SKI: variants seen among roughly 807,000 people sequenced by gnomAD.
SKI encodes the protein SKI proto-oncogene, also known as ski oncogene.
Under a neutral mutation model 59.3 loss-of-function variants are expected in SKI, and 23 were observed. That is an observed-to-expected ratio of 0.39 (90% CI 0.28 to 0.55). The LOEUF (loss-of-function observed/expected upper bound fraction) is 0.55, where lower values mean the gene tolerates loss of function less well. Ranked by LOEUF, SKI falls within the 20% of genes least tolerant of loss-of-function variation. The pLI is 0.67. For missense variants in SKI, 1,017 were observed against 1,038.9 expected (o/e 0.98, Z 0.29); for synonymous variants, 673 against 488.6 (o/e 1.38, Z -4.98).
chr1:2,238,804 G>T (rs1412212522), intron 1 of SKI, among the ~76,000 whole-genome samples: 2 of 152,244 alleles, frequency 1.3e-5, no homozygotes, highest in Non-Finnish European at 2.9e-5. Flanking sequence ...CTGTCAGCGG[G>T]CCAGGCCACA....
chr1:2,261,412 C>T (rs1187009542), intron 1 of SKI, among the ~76,000 whole-genome samples: 1 of 152,176 alleles, frequency 6.6e-6, no homozygotes, highest in African/African-American at 2.4e-5. Context: ...GGAAAGCTCT[C>T]TGTTTATGGG....
At chr1:2,296,800 G>C (rs1354128918) in intron 1 of SKI, among the ~76,000 whole-genome samples, 2 of 152,118 alleles carry the variant, frequency 1.3e-5, no homozygotes, top group Non-Finnish European at 2.9e-5. Context: ...GCACTTCTGC[G>C]GGGGCGGGAG....
intron 1 of SKI, among the ~76,000 whole-genome samples, chr1:2,299,328 C>T (rs953790005): frequency 8.5e-5 from 13 of 152,062 alleles, no homozygotes; most frequent in Non-Finnish European, 1.3e-4. Context: ...AAGTGAGAGG[C>T]GCTGAGGCCA....
chr1:2,290,664 C>CAGGAGG (rs370758300), intron 1 of SKI, among the ~76,000 whole-genome samples: 3 of 151,916 alleles, frequency 2.0e-5, no homozygotes, highest in Admixed American at 1.3e-4. Context: ...GTCTTGTAGG[C>CAGGAGG]AGGAGGAGGA....
chr1:2,300,242 G>T (rs927226694), intron 1 of SKI, among the ~76,000 whole-genome samples: 2 of 152,252 alleles, frequency 1.3e-5, no homozygotes, highest in Non-Finnish European at 2.9e-5. Flanking sequence ...TCTGGCCTCC[G>T]CTGTGTAAGC....
chr1:2,234,219 C>A (rs567436351), intron 1 of SKI, among the ~76,000 whole-genome samples: 1 of 152,178 alleles, frequency 6.6e-6, no homozygotes, highest in South Asian at 2.1e-4. Context: ...CTGCCCACCC[C>A]AGCTGGCTGT....
intron 1 of SKI, among the ~76,000 whole-genome samples, chr1:2,279,654 C>T (rs574613465): frequency 6.6e-6 from 1 of 152,032 alleles, no homozygotes; most frequent in Non-Finnish European, 1.5e-5. Flanking sequence ...GGAGAGTGTT[C>T]TCCTGCCCAC....
At chr1:2,246,157 C>G (rs1334151691) in intron 1 of SKI, among the ~76,000 whole-genome samples, 1 of 152,222 alleles carries the variant, frequency 6.6e-6, no homozygotes, top group East Asian at 1.9e-4. Flanking sequence ...CCACTCCCAG[C>G]AACAGCGTTC....
At chr1:2,232,427 A>C (rs1436540488) in intron 1 of SKI, 4 of 152,198 alleles carry the variant, frequency 2.6e-5, no homozygotes, top group Non-Finnish European at 5.9e-5. Context: ...CCCGGGTCCC[A>C]AACCAAGTGG....
chr1:2,275,479 G>A (rs1386278677), intron 1 of SKI, among the ~76,000 whole-genome samples: 3 of 152,184 alleles, frequency 2.0e-5, no homozygotes, highest in Non-Finnish European at 4.4e-5. Context: ...GGGGCAGGAT[G>A]AGGGGTGTGG....
At chr1:2,279,684 C>T (rs1639829880) in intron 1 of SKI, among the ~76,000 whole-genome samples, 1 of 152,188 alleles carries the variant, frequency 6.6e-6, no homozygotes, top group African/African-American at 2.4e-5. Flanking sequence ...GGGCGTGGCC[C>T]AGCCCCACAG....
At chr1:2,292,417 A>C (rs959271831) in intron 1 of SKI, among the ~76,000 whole-genome samples, 3 of 152,190 alleles carry the variant, frequency 2.0e-5, no homozygotes, top group African/African-American at 7.2e-5. Flanking sequence ...GTGACCCTTC[A>C]TCTAGCAGAC....
At chr1:2,253,456 AC>A (rs1318456195) in intron 1 of SKI, among the ~76,000 whole-genome samples, 1 of 152,196 alleles carries the variant, frequency 6.6e-6, no homozygotes, top group African/African-American at 2.4e-5. Flanking sequence ...AAGCCTGGCC[AC>A]TTGTGAGTGC....
intron 1 of SKI, among the ~76,000 whole-genome samples, chr1:2,241,220 C>A (rs985072351): frequency 1.6e-4 from 24 of 152,302 alleles, no homozygotes; most frequent in African/African-American, 5.5e-4. Flanking sequence ...TATGAACTTG[C>A]GGCTTAAATA....
At chr1:2,287,327 G>A (rs1569821434) in intron 1 of SKI, among the ~76,000 whole-genome samples, 1 of 142,540 alleles carries the variant, frequency 7.0e-6, no homozygotes, top group South Asian at 2.3e-4. Context: ...GGTGAGAAAT[G>A]GAAATATCCA....
intron 1 of SKI, among the ~76,000 whole-genome samples, chr1:2,235,301 C>T (rs1557811185): frequency 1.3e-5 from 2 of 152,212 alleles, no homozygotes; most frequent in Admixed American, 6.5e-5. Flanking sequence ...ACCTTGGCCT[C>T]CCAGAGTGCT....
chr1:2,279,729 A>G (rs1182160458), intron 1 of SKI, among the ~76,000 whole-genome samples: 1 of 152,022 alleles, frequency 6.6e-6, no homozygotes, highest in Non-Finnish European at 1.5e-5. Flanking sequence ...TTTATTTTTT[A>G]TTAGAGACAG....
rs1376662798 is a variant in SKI at position 2,309,535 on chromosome 1, G to A, written c.*2770G>A. The A allele has an allele frequency of 6.6e-6, 1 of 151,950 alleles. No homozygotes were observed. The highest frequency in any genetic ancestry group is 1.5e-5 in the Non-Finnish European group (1 of 67,980). The allele number at this position is 151,950 out of a possible 1,614,324, so 9.4% of individuals were successfully genotyped here. On this transcript the variant is annotated 3_prime_UTR_variant, in exon 7 of 7. Coordinates refer to ENST00000378536, the MANE Select transcript of SKI (RefSeq NM_003036.4). ...TCAGAAACTCTTTTCTTACCTGAGAGTTGTCTTGTTTTCTGGGCTGTTTTT... is the reference window on the plus strand; with the variant it reads ...TCAGAAACTCTTTTCTTACCTGAGAATTGTCTTGTTTTCTGGGCTGTTTTT...
At chr1:2,259,029 A>G (rs992050296) in intron 1 of SKI, among the ~76,000 whole-genome samples, 2 of 152,218 alleles carry the variant, frequency 1.3e-5, no homozygotes, top group African/African-American at 4.8e-5. Context: ...GGCTTCTGAA[A>G]TGACATGCTG....
Sources: allele counts gnomAD v4.1 joint callset (sites outside exome capture counted in the v4.1 genomes callset), GRCh38; gene constraint gnomAD v4.1.1; transcripts MANE v1.5; gene names NCBI Gene and HGNC (gene_info 2026-07-23, HGNC 2026-07-21).